The following NEMP2 variants were observed in gnomAD, a reference collection of about 807,000 sequenced individuals.
NEMP2 encodes the protein nuclear envelope integral membrane protein 2, also known as UPF0571 transmembrane protein.
NEMP2 carries 53 observed loss-of-function variants against 54.2 expected under a neutral mutation model. The ratio of observed to expected loss-of-function variants is 0.98; its 90% CI spans 0.78 to 1.23. NEMP2 has a LOEUF of 1.23. Ranked by LOEUF, NEMP2 falls within the 50% of genes most tolerant of loss-of-function variation. The pLI is 0.00. For synonymous variants in NEMP2, 197 were observed against 190.3 expected (o/e 1.04, Z -0.29); for missense variants, 455 against 511.3 (o/e 0.89, Z 1.06).
the NEMP2 span, among the ~76,000 whole-genome samples, chr2:190,497,059 A>G: frequency 6.6e-6 from 1 of 152,218 alleles, no homozygotes; most frequent in Admixed American, 6.5e-5. The surrounding 1 kb of genome is among the most constrained non-coding windows in gnomAD (Gnocchi z 5.2). Flanking sequence ...CTGTGGGAAT[A>G]AAACATTTTT....
At chr2:190,625,553 G>A in the NEMP2 span, 1 of 152,140 alleles carries the variant, frequency 6.6e-6, no homozygotes, top group African/African-American at 2.4e-5. Context: ...ATGCATTTTT[G>A]ATATGTGAAT....
chr2:190,466,338 A>G, the NEMP2 span, among the ~76,000 whole-genome samples: 804 of 152,346 alleles, frequency 5.3e-3, 7 homozygotes, highest in African/African-American at 0.019. Context: ...CTGATACTGA[A>G]GTACTTTTCA....
chr2:190,603,116 G>T, the NEMP2 span, among the ~76,000 whole-genome samples: 1 of 152,104 alleles, frequency 6.6e-6, no homozygotes, highest in East Asian at 1.9e-4. Flanking sequence ...TCTGAGCACA[G>T]AATTGCTTTT....
At chr2:190,473,399 A>C in the NEMP2 span, among the ~76,000 whole-genome samples, 2 of 152,220 alleles carry the variant, frequency 1.3e-5, no homozygotes, top group Admixed American at 1.3e-4. Context: ...AAGATCTACC[A>C]AGCAAATGGA....
chr2:190,488,714 C>T, the NEMP2 span: 9 of 1,606,790 alleles, frequency 5.6e-6, no homozygotes, highest in African/African-American at 5.4e-5. This position sits in a 1 kb window ranked among gnomAD's most constrained non-coding sequence, Gnocchi z 6.4. Flanking sequence ...GCAGCCGTTC[C>T]CCCTGAGCTG....
chr2:190,477,416 T>C, the NEMP2 span: 1 of 931,978 alleles, frequency 1.1e-6, no homozygotes, highest in African/African-American at 1.8e-5. Context: ...TATATTATAA[T>C]AATACATGCA....
chr2:190,574,653 C>T, the NEMP2 span, among the ~76,000 whole-genome samples: 1 of 152,118 alleles, frequency 6.6e-6, no homozygotes, highest in African/African-American at 2.4e-5. Flanking sequence ...TCCCCCAACC[C>T]TAGGTAGCTA....
At chr2:190,623,437 C>T in the NEMP2 span, among the ~76,000 whole-genome samples, 3 of 152,246 alleles carry the variant, frequency 2.0e-5, no homozygotes, top group East Asian at 5.8e-4. Context: ...GCTATAGTAG[C>T]CAATAGAAAG....
the NEMP2 span, among the ~76,000 whole-genome samples, chr2:190,611,697 A>C: frequency 2.0e-5 from 3 of 152,198 alleles, no homozygotes; most frequent in African/African-American, 4.8e-5. The surrounding 1 kb of genome is among the most constrained non-coding windows in gnomAD (Gnocchi z 5.4). Context: ...CTAGGCAAAA[A>C]TCCACATTCT....
the NEMP2 span, among the ~76,000 whole-genome samples, chr2:190,634,096 G>C: frequency 6.6e-6 from 1 of 152,076 alleles, no homozygotes; most frequent in Non-Finnish European, 1.5e-5. This position sits in a 1 kb window ranked among gnomAD's most constrained non-coding sequence, Gnocchi z 6.8. Context: ...AGTATCAAAT[G>C]TCTGTTGTAA....
Position 190,513,502 on chromosome 2 carries a change from T to C in NEMP2, c.953+951A>G, listed in dbSNP as rs1293466306. 6.6e-6 allele frequency among the ~76,000 whole-genome samples: 1 copy of C among 152,202 alleles called. No homozygotes were observed. On this transcript the variant is annotated intron_variant, in intron 7 of 8. Coordinates refer to ENST00000409150, the MANE Select transcript of NEMP2 (RefSeq NM_001142645.2). The surrounding 1 kb of genome is among the most constrained non-coding windows in gnomAD (Gnocchi z 5.3). The stretch of plus-strand genomic sequence containing the variant: ...TAAGCAACTGGTTTGATAACTGCTG[T>C]AGAGGCAGCAGTCAGAGTGGACCAA...
the NEMP2 span, among the ~76,000 whole-genome samples, chr2:190,485,467 T>C: frequency 6.6e-6 from 1 of 152,186 alleles, no homozygotes; most frequent in East Asian, 1.9e-4. This position sits in a 1 kb window ranked among gnomAD's most constrained non-coding sequence, Gnocchi z 5.1. Flanking sequence ...ATTTTGCTAT[T>C]GAATCTAATT....
At chr2:190,465,164 G>C in the NEMP2 span, among the ~76,000 whole-genome samples, 2 of 152,128 alleles carry the variant, frequency 1.3e-5, no homozygotes, top group Admixed American at 1.3e-4. This position sits in a 1 kb window ranked among gnomAD's most constrained non-coding sequence, Gnocchi z 4.6. Context: ...CTTGTAGTTT[G>C]CTCAAATACA....
the NEMP2 span, among the ~76,000 whole-genome samples, chr2:190,573,021 C>T: frequency 1.3e-5 from 2 of 151,416 alleles, no homozygotes; most frequent in East Asian, 3.9e-4. Flanking sequence ...CCAATTTGTT[C>T]CCAAAAGAAA....
At chr2:190,478,378 C>T in the NEMP2 span, among the ~76,000 whole-genome samples, 4 of 152,240 alleles carry the variant, frequency 2.6e-5, no homozygotes, top group African/African-American at 9.6e-5. Context: ...ATTTTGACTG[C>T]ACAACAAAAT....
At chr2:190,534,457 G>A in intron 1 of NEMP2, 102 bp downstream of exon 1, 1 of 1,245,368 alleles carries the variant, frequency 8.0e-7, no homozygotes, top group Non-Finnish European at 1.0e-6. Flanking sequence ...GCCCCAGTGG[G>A]CCTCGCGGTG....
At chr2:190,610,471 C>T in the NEMP2 span, 1 of 152,116 alleles carries the variant, frequency 6.6e-6, no homozygotes, top group Admixed American at 6.6e-5. The surrounding 1 kb of genome is among the most constrained non-coding windows in gnomAD (Gnocchi z 5.4). Flanking sequence ...GATCAGAAAC[C>T]CTGTACAGGG....
At chr2:190,437,242 G>A in the NEMP2 span, 1 of 1,614,280 alleles carries the variant, frequency 6.2e-7, no homozygotes, top group Non-Finnish European at 8.5e-7. The surrounding 1 kb of genome is among the most constrained non-coding windows in gnomAD (Gnocchi z 5.9). Context: ...TAAAGGGAAA[G>A]AGGTGGAGAT....
At chr2:190,489,628 GAGCTAATACCC>G in the NEMP2 span, 1 of 701,514 alleles carries the variant, frequency 1.4e-6, no homozygotes, top group Non-Finnish European at 2.4e-6. The surrounding 1 kb of genome is among the most constrained non-coding windows in gnomAD (Gnocchi z 6.6). Flanking sequence ...CCATTATGTG[GAGCTAATACCC>G]AACTACTTTT....
Sources: gnomAD v4.1 joint callset for allele counts (sites outside exome capture counted in the v4.1 genomes callset) on GRCh38, gnomAD v4.1.1 for gene constraint, Gnocchi (gnomAD v3.1) non-coding constraint, MANE v1.5 for transcripts, NCBI Gene and HGNC (gene_info 2026-07-23, HGNC 2026-07-21) for gene names.